CACNA1D: variants seen among roughly 807,000 people sequenced by gnomAD.
CACNA1D encodes voltage-dependent L-type calcium channel subunit alpha-1D.
CACNA1D carries 55 observed loss-of-function variants against 257.1 expected under a neutral mutation model. That is an observed-to-expected ratio of 0.21 (90% CI 0.17 to 0.27). The LOEUF is 0.27. CACNA1D is among the 10% of genes least tolerant of loss of function. The pLI, the probability that CACNA1D is intolerant of heterozygous loss-of-function variation, is 1.00. For missense variants in CACNA1D, 1,876 were observed against 2,784.0 expected (o/e 0.67, Z 7.34); for synonymous variants, 980 against 1,014.9 (o/e 0.97, Z 0.65).
At chr3:53,555,249 T>C (rs1053452747) in intron 3 of CACNA1D, among the ~76,000 whole-genome samples, 1 of 152,230 alleles carries the variant, frequency 6.6e-6, no homozygotes, top group African/African-American at 2.4e-5. Flanking sequence ...GATTTCCAGC[T>C]ATGTTTTTTA....
At chr3:53,566,817 T>C (rs1235169131) in intron 3 of CACNA1D, among the ~76,000 whole-genome samples, 1 of 152,170 alleles carries the variant, frequency 6.6e-6, no homozygotes, top group Non-Finnish European at 1.5e-5. Context: ...CTTCCATGAG[T>C]ATTCTTCCAT....
chr3:53,776,972 G>A lies in CACNA1D; in HGVS notation c.4587+16G>A, dbSNP rs750908909. ...AGCGTGCAAGGTGAGTGTCCTGTGT[G>A]CGTGTCTGACAGCCTGTCTTGTAGA... On this transcript the variant is annotated intron_variant, in intron 37 of 47. Coordinates refer to ENST00000350061, the MANE Select transcript of CACNA1D (RefSeq NM_001128840.3). 5 of 1,581,940 alleles carry A rather than the reference G, an allele frequency of 3.2e-6. No homozygotes were observed. In the African/African-American group the frequency reaches 5.4e-5, roughly 17 times the overall value.
At chr3:53,567,188 C>G (rs1299407487) in intron 3 of CACNA1D, among the ~76,000 whole-genome samples, 3 of 152,124 alleles carry the variant, frequency 2.0e-5, no homozygotes, top group African/African-American at 4.8e-5. Flanking sequence ...GCATGGTACC[C>G]CAACTCAGCA....
chr3:53,655,202 T>C (rs2108298037), intron 4 of CACNA1D, among the ~76,000 whole-genome samples: 1 of 152,366 alleles, frequency 6.6e-6, no homozygotes, highest in Admixed American at 6.5e-5. Context: ...TCACATTTTC[T>C]TTATCCAATC....
chr3:53,648,829 A>AAC (rs148968944), intron 3 of CACNA1D, among the ~76,000 whole-genome samples: 37,202 of 146,668 alleles, frequency 0.25, 4,607 homozygotes, highest in Non-Finnish European at 0.29. Flanking sequence ...TAACTCTCAA[A>AAC]ACACACACAC....
intron 7 of CACNA1D, among the ~76,000 whole-genome samples, chr3:53,671,054 C>T (rs1289580556): frequency 6.6e-6 from 1 of 152,208 alleles, no homozygotes; most frequent in Non-Finnish European, 1.5e-5. Flanking sequence ...CCTTCCCCTC[C>T]AGGCCTCAAC....
At chr3:53,771,812 G>T (rs923771516) in intron 32 of CACNA1D, among the ~76,000 whole-genome samples, 1 of 152,210 alleles carries the variant, frequency 6.6e-6, no homozygotes, top group African/African-American at 2.4e-5. Flanking sequence ...TAAACATTTG[G>T]CAATCTAGGA....
At chr3:53,691,687 T>G (rs2094521048) in intron 8 of CACNA1D, among the ~76,000 whole-genome samples, 1 of 118,716 alleles carries the variant, frequency 8.4e-6, no homozygotes, top group African/African-American at 3.2e-5. Context: ...ATATATATAT[T>G]GCAGATATAT....
chr3:53,714,054 C>A (rs1192321791), intron 9 of CACNA1D, among the ~76,000 whole-genome samples: 2 of 152,212 alleles, frequency 1.3e-5, no homozygotes, highest in South Asian at 4.1e-4. Context: ...TCTCACAGGT[C>A]ACAGGCTTTC....
intron 3 of CACNA1D, among the ~76,000 whole-genome samples, chr3:53,586,928 G>A (rs1380329434): frequency 6.6e-6 from 1 of 152,154 alleles, no homozygotes; most frequent in Non-Finnish European, 1.5e-5. Flanking sequence ...ACCTAACCTT[G>A]TCTGAGGGTA....
rs1253241651 is a variant in CACNA1D at position 53,812,738 on chromosome 3, T to A, written c.*1332T>A. 2 of 152,286 alleles carry A rather than the reference T, an allele frequency of 1.3e-5. No individual in the cohort carries two copies. Among genetic ancestry groups the A allele is most frequent in the Non-Finnish European group, 2.9e-5 (2 of 68,070 alleles). 9.4% of individuals were successfully genotyped at this position (152,286 alleles called of 1,614,324 possible). ...ATAGGTGGATGAGATATAGCTGCTC[T>A]TGTCCTCTGGGGACTGGTGGTGCTG... is the stretch of plus-strand genomic sequence containing the variant. On this transcript the variant is annotated 3_prime_UTR_variant, in exon 48 of 48. Transcript: ENST00000350061.
chr3:53,783,417 G>A (rs906100067), intron 39 of CACNA1D, among the ~76,000 whole-genome samples: 2 of 152,078 alleles, frequency 1.3e-5, no homozygotes, highest in Admixed American at 1.3e-4. Context: ...TTCTTTCTTG[G>A]TCCAATAACT....
intron 22 of CACNA1D, among the ~76,000 whole-genome samples, chr3:53,743,700 C>G (rs1163196227): frequency 6.6e-6 from 1 of 152,144 alleles, no homozygotes; most frequent in Non-Finnish European, 1.5e-5. Flanking sequence ...GCTTACCATC[C>G]CCAGGGGTGT....
At chr3:53,518,113 G>A (rs562842087) in intron 3 of CACNA1D, among the ~76,000 whole-genome samples, 2 of 152,334 alleles carry the variant, frequency 1.3e-5, no homozygotes, top group East Asian at 3.9e-4. Flanking sequence ...TGCTTTCTCT[G>A]CACTGTGGCT....
intron 8 of CACNA1D, among the ~76,000 whole-genome samples, chr3:53,696,244 A>G (rs923291482): frequency 6.6e-6 from 1 of 152,230 alleles, no homozygotes. Context: ...TTGGTATTTC[A>G]GGCGTGAGCC....
At chr3:53,670,642 G>A (rs2094314001) in intron 7 of CACNA1D, among the ~76,000 whole-genome samples, 2 of 152,174 alleles carry the variant, frequency 1.3e-5, no homozygotes, top group Non-Finnish European at 2.9e-5. Context: ...GCTGCACCCG[G>A]CCCATTTCAG....
chr3:53,633,268 A>T (rs941257887), intron 3 of CACNA1D, among the ~76,000 whole-genome samples: 1 of 152,200 alleles, frequency 6.6e-6, no homozygotes, highest in Admixed American at 6.5e-5. Flanking sequence ...TAAGGTGGGC[A>T]GATTGCTTTG....
chr3:53,672,991 C>T (rs1338490507), intron 7 of CACNA1D, 32 bp from the exon 8 acceptor site: 13 of 1,397,242 alleles, frequency 9.3e-6, no homozygotes, highest in East Asian at 2.5e-5. Context: ...TCTTATTAAC[C>T]CACTCCTATG....
Position 53,805,093 on chromosome 3 carries a change from G to A in CACNA1D, c.5696G>A (p.Cys1899Tyr), listed in dbSNP as rs748445000. The stretch of plus-strand genomic sequence containing the variant: ...TTGGAGGACGATGACTCGCCCGTTT[G>A]CTATGATTCACGGAGATCTCCAAGG... Reference protein sequence around the residue: ...GFLEDDDSPVCYDSRRSPRRR... With the variant: ...GFLEDDDSPVYYDSRRSPRRR... The change falls in exon 45 of 48, where the codon TGC becomes TAC. Residue 1899 changes from cysteine (C) to tyrosine (Y), a missense_variant. This residue lies in a region of CACNA1D where 491 missense variants were observed against 554.3 expected (regional missense o/e 0.89). Coordinates refer to ENST00000350061, the MANE Select transcript of CACNA1D (RefSeq NM_001128840.3). The A allele has an allele frequency of 3.1e-6, 5 of 1,614,010 alleles. No individual in the cohort carries two copies. The highest frequency in any genetic ancestry group is 3.4e-6 in the Non-Finnish European group (4 of 1,180,024).
Sources: gnomAD v4.1 joint callset for allele counts (sites outside exome capture counted in the v4.1 genomes callset) on GRCh38, gnomAD v4.1.1 for gene constraint, gnomAD v4.1.1 regional missense constraint, MANE v1.5 for transcripts, NCBI Gene and HGNC (gene_info 2026-07-23, HGNC 2026-07-21) for gene names.